The following RAB3C variants were observed in gnomAD, a reference collection of about 807,000 sequenced individuals.
The protein encoded by RAB3C is RAB3C, member RAS oncogene family.
RAB3C carries 17 observed loss-of-function variants against 26.4 expected under a neutral mutation model. The ratio of observed to expected loss-of-function variants is 0.64; its 90% CI spans 0.44 to 0.97. The LOEUF is 0.97. RAB3C is among the 50% of genes least tolerant of loss of function. The probability of loss-of-function intolerance (pLI) is 0.00; values close to 1 mark genes in which losing one functional copy is unlikely to be tolerated. For missense variants in RAB3C, 242 were observed against 281.9 expected (o/e 0.86, Z 1.01); for synonymous variants, 91 against 95.9 (o/e 0.95, Z 0.30).
chr5:58,813,749 G>A (rs1743150250), intron 3 of RAB3C, among the ~76,000 whole-genome samples: 1 of 152,010 alleles, frequency 6.6e-6, no homozygotes, highest in Non-Finnish European at 1.5e-5. Context: ...CCAGTAAGAT[G>A]TTGCATAGGC....
chr5:58,840,604 T>C (rs1350086008), intron 4 of RAB3C, among the ~76,000 whole-genome samples: 1 of 152,214 alleles, frequency 6.6e-6, no homozygotes, highest in African/African-American at 2.4e-5. Context: ...TCCAATTTTA[T>C]GAAGTAGGTT....
intron 3 of RAB3C, among the ~76,000 whole-genome samples, chr5:58,789,147 C>T (rs1742463822): frequency 6.6e-6 from 1 of 151,944 alleles, no homozygotes; most frequent in African/African-American, 2.4e-5. Flanking sequence ...CTAAGCCAGG[C>T]CTTGGTGGGG....
At chr5:58,679,816 G>A (rs929463143) in intron 2 of RAB3C, among the ~76,000 whole-genome samples, 6 of 152,084 alleles carry the variant, frequency 3.9e-5, no homozygotes, top group African/African-American at 7.2e-5. Flanking sequence ...TTCTTTGCAC[G>A]GTAAAATAAG....
intron 1 of RAB3C, among the ~76,000 whole-genome samples, chr5:58,607,440 G>C (rs996672849): frequency 6.6e-6 from 1 of 152,186 alleles, no homozygotes; most frequent in African/African-American, 2.4e-5. Context: ...CGTTTGATTA[G>C]TGTACCTGAA....
Position 58,786,351 on chromosome 5 carries a change from A to G in RAB3C, c.372-38687A>G, listed in dbSNP as rs138542344. Among the ~76,000 whole-genome samples, 140 of 152,190 alleles carry G rather than the reference A, an allele frequency of 9.2e-4. 1 individual carries two copies. The highest frequency in any genetic ancestry group is 3.2e-3 in the African/African-American group (133 of 41,544). On this transcript the variant is annotated intron_variant, in intron 3 of 4. Transcript: ENST00000282878. ...CAGCGTTTAGGGATGCATTGGAGGC[A>G]GCTGGCTGGTCCATCATCCTTTTCC...
At chr5:58,706,341 C>A (rs527563955) in intron 2 of RAB3C, among the ~76,000 whole-genome samples, 1 of 152,110 alleles carries the variant, frequency 6.6e-6, no homozygotes, top group South Asian at 2.1e-4. Context: ...AAATTCATAT[C>A]TTTATTTAGA....
intron 2 of RAB3C, among the ~76,000 whole-genome samples, chr5:58,630,265 C>A (rs189999521): frequency 6.6e-6 from 1 of 152,138 alleles, no homozygotes; most frequent in African/African-American, 2.4e-5. Context: ...TAAGGAATTA[C>A]CTAACATGTG....
At chr5:58,627,711 G>A (rs1371980120) in intron 2 of RAB3C, among the ~76,000 whole-genome samples, 3 of 152,088 alleles carry the variant, frequency 2.0e-5, no homozygotes. Context: ...TGCCACTGTG[G>A]CAGCTAAACA....
At position 58,617,627 on chromosome 5, in the gene RAB3C, TTTG is replaced by T; in HGVS notation, c.25-13_25-11del. The T allele has an allele frequency of 6.2e-7, 1 of 1,601,686 alleles. No individual in the cohort carries two copies. The highest frequency in any genetic ancestry group is 1.1e-5 in the South Asian group (1 of 90,870). The stretch of plus-strand genomic sequence containing the variant: ...TACACCTATTTTGTTTTTGTTTTGT[TTTG>T]TTTTTATCACAGATGGCCTCTGCCC... On this transcript the variant is annotated splice_polypyrimidine_tract_variant and intron_variant, in intron 1 of 4. Transcript: ENST00000282878.
chr5:58,788,530 A>G (rs1223269667), intron 3 of RAB3C, among the ~76,000 whole-genome samples: 1 of 152,234 alleles, frequency 6.6e-6, no homozygotes, highest in Non-Finnish European at 1.5e-5. Flanking sequence ...TTATGTGTGT[A>G]TAATTTCCTG....
chr5:58,708,014 AG>A (rs1748981145), intron 2 of RAB3C, among the ~76,000 whole-genome samples: 1 of 147,328 alleles, frequency 6.8e-6, no homozygotes, highest in South Asian at 2.1e-4. Context: ...TTTTTGAGAC[AG>A]GGTCTCTCTG....
chr5:58,588,608 T>C (rs1378432496), intron 1 of RAB3C, among the ~76,000 whole-genome samples: 4 of 152,126 alleles, frequency 2.6e-5, no homozygotes, highest in African/African-American at 9.7e-5. Flanking sequence ...CTTTGTCAAG[T>C]CAGGTAGATA....
At position 58,829,199 on chromosome 5, in the gene RAB3C, G is replaced by A. The variant is rs114265020; in HGVS notation, c.496+4037G>A. 6.0e-3 allele frequency among the ~76,000 whole-genome samples: 907 copies of A among 152,004 alleles called. 11 individuals are homozygous for A. The highest frequency in any genetic ancestry group is 0.018 in the African/African-American group (747 of 41,490). On this transcript the variant is annotated intron_variant, in intron 4 of 4. Coordinates refer to ENST00000282878, the MANE Select transcript of RAB3C (RefSeq NM_138453.4). ...ATTACAGGTGTGAGCCATGGCACCC[G>A]GCCTCCATGAGTGTTTTAACAGTTA...
At chr5:58,668,817 C>T (rs557120301) in intron 2 of RAB3C, among the ~76,000 whole-genome samples, 1 of 152,132 alleles carries the variant, frequency 6.6e-6, no homozygotes, top group Non-Finnish European at 1.5e-5. Context: ...ATGAAAGATT[C>T]CTGCCATAAT....
rs113732722 is a variant in RAB3C at position 58,620,024 on chromosome 5, G to C, written c.252+2154G>C. Among the ~76,000 whole-genome samples the C allele has an allele frequency of 8.1e-3, 1,231 of 151,668 alleles. 13 individuals are homozygous for C. The highest frequency in any genetic ancestry group is 0.028 in the African/African-American group (1,175 of 41,362). On this transcript the variant is annotated intron_variant, in intron 2 of 4. Transcript: ENST00000282878. ...TCCATAAGTTCATGAAAAAGTCTCT[G>C]AAATATTATTATCTTCAGATTTGCC...
intron 2 of RAB3C, among the ~76,000 whole-genome samples, chr5:58,688,350 A>T (rs1272989178): frequency 6.6e-6 from 1 of 152,124 alleles, no homozygotes; most frequent in Non-Finnish European, 1.5e-5. Flanking sequence ...ACTGTTTAAT[A>T]TAAGTAGTAG....
chr5:58,617,460 G>C (rs1357256011), intron 1 of RAB3C, 183 bp from the exon 2 acceptor site: 2 of 767,118 alleles, frequency 2.6e-6, no homozygotes, highest in East Asian at 4.9e-5. Context: ...CTGTCTTCCA[G>C]CAGGGAATTA....
At chr5:58,777,551 A>G (rs937510163) in intron 3 of RAB3C, among the ~76,000 whole-genome samples, 12 of 151,148 alleles carry the variant, frequency 7.9e-5, no homozygotes, top group Admixed American at 5.9e-4. Context: ...TTATATGTCT[A>G]TATCTCCCAT....
intron 2 of RAB3C, among the ~76,000 whole-genome samples, chr5:58,645,506 T>G (rs770997709): frequency 1.3e-5 from 2 of 152,186 alleles, no homozygotes; most frequent in Admixed American, 6.5e-5. Flanking sequence ...GGGCACAATA[T>G]TCATTCATCC....
Sources: gnomAD v4.1 joint callset for allele counts (sites outside exome capture counted in the v4.1 genomes callset) on GRCh38, gnomAD v4.1.1 for gene constraint, MANE v1.5 for transcripts, NCBI Gene and HGNC (gene_info 2026-07-23, HGNC 2026-07-21) for gene names.